MAGI3: variants seen among roughly 807,000 people sequenced by gnomAD.
MAGI3 encodes membrane associated guanylate kinase, WW and PDZ domain containing 3.
A neutral mutation model predicts 121.8 loss-of-function variants in MAGI3; 43 were observed. That is an observed-to-expected ratio of 0.35 (90% confidence interval 0.28 to 0.46). MAGI3 has a LOEUF of 0.46. Ranked by LOEUF, MAGI3 falls within the 20% of genes least tolerant of loss-of-function variation. MAGI3 has a pLI of 1.00. For missense variants in MAGI3, 1,547 were observed against 1,797.3 expected, an observed-to-expected ratio of 0.86 and a Z score of 2.52; for synonymous variants, 553 against 639.3, an observed-to-expected ratio of 0.86 and a Z score of 2.04.
intron 2 of MAGI3, among the ~76,000 whole-genome samples, chr1:113,553,268 A>G (rs559084680): frequency 1.9e-4 from 29 of 152,284 alleles, no homozygotes; most frequent in African/African-American, 7.0e-4. Flanking sequence ...ATGGACTCTG[A>G]GTTGAAGGGA....
At chr1:113,538,308 T>C (rs1659099478) in intron 1 of MAGI3, among the ~76,000 whole-genome samples, 1 of 152,210 alleles carries the variant, frequency 6.6e-6, no homozygotes. Flanking sequence ...ATAACTTTGA[T>C]TTGTAAAGAC....
intron 8 of MAGI3, 35 bp downstream of exon 8, chr1:113,619,865 A>T: frequency 6.8e-7 from 1 of 1,467,794 alleles, no homozygotes; most frequent in South Asian, 1.2e-5. Flanking sequence ...TTCTAAGAAT[A>T]ACTTGTGAAA....
chr1:113,620,921 T>G (rs1650778242), intron 8 of MAGI3, among the ~76,000 whole-genome samples: 1 of 152,180 alleles, frequency 6.6e-6, no homozygotes, highest in South Asian at 2.1e-4. Flanking sequence ...TTAACAGATG[T>G]AAAGTGCCTA....
At chr1:113,653,722 A>G in intron 14 of MAGI3, 108 bp from the exon 15 acceptor site, 2 of 956,056 alleles carry the variant, frequency 2.1e-6, no homozygotes, top group Admixed American at 2.8e-5. Context: ...TCTATTCTTT[A>G]TGTTATTAGA....
intron 6 of MAGI3, among the ~76,000 whole-genome samples, chr1:113,602,717 G>A (rs1465377100): frequency 6.6e-6 from 1 of 152,148 alleles, no homozygotes; most frequent in Non-Finnish European, 1.5e-5. Flanking sequence ...AGATTGCTTG[G>A]TAATTTGAGA....
intron 6 of MAGI3, among the ~76,000 whole-genome samples, chr1:113,611,768 C>T (rs1187066174): frequency 6.6e-6 from 1 of 152,114 alleles, no homozygotes; most frequent in Admixed American, 6.5e-5. Flanking sequence ...CAACACAGCA[C>T]TCTAAGAATG....
chr1:113,471,458 C>T (rs865879424), intron 1 of MAGI3, among the ~76,000 whole-genome samples: 1 of 152,038 alleles, frequency 6.6e-6, no homozygotes, highest in African/African-American at 2.4e-5. Context: ...TTAAGGGATG[C>T]AGCAGAAGCC....
chr1:113,579,835 AG>A (rs1017969114), intron 2 of MAGI3, among the ~76,000 whole-genome samples: 1 of 152,082 alleles, frequency 6.6e-6, no homozygotes, highest in Non-Finnish European at 1.5e-5. Flanking sequence ...GCCTAAGTGG[AG>A]GAACAGGTTT....
rs546638430 is a variant in MAGI3 at position 113,555,640 on chromosome 1, G to T, written c.433+6009G>T. 9.3e-4 allele frequency among the ~76,000 whole-genome samples: 142 copies of T among 152,234 alleles called. No individual in the cohort carries two copies. The Middle Eastern group carries it at 0.014, about 15-fold the overall frequency. ...ATGAAACATGTTATCTAGCCATCAT[G>T]AAATTAAATTAGAAATTATTAACGA... On this transcript the variant is annotated intron_variant, in intron 2 of 20. Transcript: ENST00000307546.
chr1:113,683,544 C>T lies in MAGI3; in HGVS notation c.3976C>T (p.Gln1326Ter), dbSNP rs1423859617. The T allele has an allele frequency of 6.8e-6, 11 of 1,613,692 alleles. No homozygotes were observed. Among genetic ancestry groups the T allele is most frequent in the Non-Finnish European group, 9.3e-6 (11 of 1,179,876 alleles). ...AGGCTATACGGGCAGTAATGCTGAGCAGATCCCAGATGGGAAGGAAAAATC... is the reference window on the plus strand; with the variant it reads ...AGGCTATACGGGCAGTAATGCTGAGTAGATCCCAGATGGGAAGGAAAAATC... The part of the protein sequence containing the change: ...IAGYTGSNAE[Q>*]IPDGKEKSDV... Residue 1326 changes from glutamine (Q) to a stop codon, truncating the protein, a stop_gained, in exon 21 of 21, where the codon CAG becomes TAG. Transcript: ENST00000307546. LOFTEE classifies it low-confidence loss of function (END_TRUNC).
At chr1:113,662,718 A>T (rs996214674) in intron 16 of MAGI3, among the ~76,000 whole-genome samples, 1 of 152,088 alleles carries the variant, frequency 6.6e-6, no homozygotes, top group African/African-American at 2.4e-5. Flanking sequence ...TTTAAAATAC[A>T]TTTTTTGTTG....
At chr1:113,415,347 A>G (rs1430743418) in intron 1 of MAGI3, among the ~76,000 whole-genome samples, 1 of 152,066 alleles carries the variant, frequency 6.6e-6, no homozygotes, top group Non-Finnish European at 1.5e-5. Flanking sequence ...TACTGTGAGG[A>G]TGAATTTTGT....
At chr1:113,493,317 CT>C (rs1466698950) in intron 1 of MAGI3, among the ~76,000 whole-genome samples, 11 of 152,154 alleles carry the variant, frequency 7.2e-5, no homozygotes, top group African/African-American at 1.9e-4. Context: ...ATAAATGGTG[CT>C]AGATAACTGA....
chr1:113,599,894 C>T (rs1284075411), intron 6 of MAGI3, among the ~76,000 whole-genome samples: 1 of 151,952 alleles, frequency 6.6e-6, no homozygotes, highest in African/African-American at 2.4e-5. Flanking sequence ...GGCTTCATCC[C>T]TGGGATGCAA....
chr1:113,555,347 T>C (rs991874810), intron 2 of MAGI3, among the ~76,000 whole-genome samples: 2 of 152,078 alleles, frequency 1.3e-5, no homozygotes, highest in African/African-American at 2.4e-5. Flanking sequence ...GAAAGGAAAA[T>C]AGACAACTTT....
At chr1:113,528,698 G>C (rs1658570348) in intron 1 of MAGI3, among the ~76,000 whole-genome samples, 1 of 152,058 alleles carries the variant, frequency 6.6e-6, no homozygotes, top group African/African-American at 2.4e-5. Flanking sequence ...TACATTGTTA[G>C]CTGGCATTCT....
At chr1:113,632,774 G>C (rs1415151517) in intron 9 of MAGI3, among the ~76,000 whole-genome samples, 1 of 152,028 alleles carries the variant, frequency 6.6e-6, no homozygotes, top group Non-Finnish European at 1.5e-5. Flanking sequence ...GGAAAAAGAA[G>C]GATACTACAA....
chr1:113,435,592 C>G (rs1653527179), intron 1 of MAGI3, among the ~76,000 whole-genome samples: 1 of 152,008 alleles, frequency 6.6e-6, no homozygotes, highest in South Asian at 2.1e-4. Context: ...TTTACTGATT[C>G]ATTCTTGGTT....
chr1:113,645,168 T>A (rs1055154290), intron 11 of MAGI3, among the ~76,000 whole-genome samples: 3 of 151,876 alleles, frequency 2.0e-5, no homozygotes, highest in Non-Finnish European at 4.4e-5. Context: ...GAATTACAGG[T>A]GCACGCCACC....
Sources: allele counts gnomAD v4.1 joint callset (sites outside exome capture counted in the v4.1 genomes callset), GRCh38; gene constraint gnomAD v4.1.1; transcripts MANE v1.5; gene names NCBI Gene and HGNC (gene_info 2026-07-23, HGNC 2026-07-21).